POGZ: variants seen among roughly 807,000 people sequenced by gnomAD.
The protein encoded by POGZ is pogo transposable element with ZNF domain.
POGZ carries 17 observed loss-of-function variants against 134.6 expected under a neutral mutation model. That is an observed-to-expected ratio of 0.13 (90% CI 0.09 to 0.19). POGZ has a LOEUF of 0.19. POGZ is among the 10% of genes least tolerant of loss of function. The pLI, the probability that POGZ is intolerant of heterozygous loss-of-function variation, is 1.00. For synonymous variants in POGZ, 693 were observed against 657.1 expected (o/e 1.05, Z -0.84); for missense variants, 1,306 against 1,769.7 (o/e 0.74, Z 4.70).
At chr1:151,418,714 C>A (rs1413146967) in intron 10 of POGZ, among the ~76,000 whole-genome samples, 1 of 151,996 alleles carries the variant, frequency 6.6e-6, no homozygotes, top group Non-Finnish European at 1.5e-5. Context: ...TATTATGCAT[C>A]AATTCTTTTT....
Position 151,459,158 on chromosome 1 carries a change from T to C in POGZ, c.-8A>G, listed in dbSNP as rs1663210356. On this transcript the variant is annotated 5_prime_UTR_variant, in exon 1 of 19. Coordinates refer to ENST00000271715, the MANE Select transcript of POGZ (RefSeq NM_015100.4). ...GGCTCGCTCGCTCACTCACCTCCTG[T>C]GGTCGTCGCCGCCGGTAGTCTGACC... 6.8e-6 allele frequency: 1 copy of C among 147,688 alleles called. No homozygotes were observed. Among genetic ancestry groups the C allele is most frequent in the Non-Finnish European group, 1.5e-5 (1 of 66,676 alleles). The allele number at this position is 147,688 out of a possible 1,614,324, so 9.1% of individuals were successfully genotyped here. A position where few individuals can be genotyped will look rare whatever the true frequency, so the allele number is the denominator to read the frequency against.
At chr1:151,418,499 G>C (rs1656193259) in intron 10 of POGZ, among the ~76,000 whole-genome samples, 3 of 152,154 alleles carry the variant, frequency 2.0e-5, no homozygotes, top group Admixed American at 2.0e-4. Flanking sequence ...TGGTTTGAAA[G>C]AAGAAATAAG....
In POGZ at chr1:151,408,084, T is replaced by G; in HGVS notation, c.2375+16A>C. The G allele has an allele frequency of 6.3e-7, 1 of 1,578,390 alleles. No individual in the cohort carries two copies. Among genetic ancestry groups the G allele is most frequent in the Admixed American group, 1.8e-5 (1 of 54,612 alleles). On this transcript the variant is annotated intron_variant, in intron 15 of 18. Coordinates refer to ENST00000271715, the MANE Select transcript of POGZ (RefSeq NM_015100.4). ...CTGAACTCTCAAGCTAAAACACTGG[T>G]TAAAAACCAACTTACTTGATCATGT...
chr1:151,408,357 A>C, intron 14 of POGZ, 52 bp downstream of exon 14: 1 of 1,557,190 alleles, frequency 6.4e-7, no homozygotes, highest in Non-Finnish European at 8.7e-7. Context: ...TATCAGGAAT[A>C]ATCCTGGCCA....
intron 1 of POGZ, among the ~76,000 whole-genome samples, chr1:151,444,395 T>C (rs969732417): frequency 7.2e-5 from 11 of 152,222 alleles, no homozygotes; most frequent in African/African-American, 2.2e-4. Context: ...AAATATATTT[T>C]CAAAAACTTT....
intron 10 of POGZ, among the ~76,000 whole-genome samples, chr1:151,421,417 T>C (rs981629912): frequency 2.6e-5 from 4 of 151,852 alleles, no homozygotes; most frequent in Non-Finnish European, 5.9e-5. Flanking sequence ...GTGAAAAAAA[T>C]TAAAATTACT....
Position 151,405,448 on chromosome 1 carries a change from T to A in POGZ, c.3587A>T (p.Glu1196Val), listed in dbSNP as rs199974317. 2.4e-5 allele frequency: 39 copies of A among 1,614,196 alleles called. No individual in the cohort carries two copies. In the African/African-American group the frequency reaches 4.1e-4, roughly 17 times the overall value. ...MPDSILLEAK[E>V]SGYSDDEIME... Reference sequence around the variant, plus strand: ...GATCTCGTCATCACTGTAGCCACTCTCCTTTGCCTCTAGCAATATGGAGTC... The same window carrying A: ...GATCTCGTCATCACTGTAGCCACTCACCTTTGCCTCTAGCAATATGGAGTC... Residue 1196 changes from glutamate to valine, a missense_variant, in exon 19 of 19, where the codon GAG (glutamate) becomes GTG (valine). Coordinates refer to ENST00000271715, the MANE Select transcript of POGZ (RefSeq NM_015100.4). The surrounding 1 kb of genome is among the most constrained non-coding windows in gnomAD (Gnocchi z 4.9).
intron 1 of POGZ, among the ~76,000 whole-genome samples, chr1:151,454,534 CTT>C (rs1399996138): frequency 6.6e-6 from 1 of 152,180 alleles, no homozygotes. Context: ...ATACTTTCCT[CTT>C]GTCTGGTAGC....
At chr1:151,431,684 T>C (rs1209590652) in intron 3 of POGZ, among the ~76,000 whole-genome samples, 1 of 152,238 alleles carries the variant, frequency 6.6e-6, no homozygotes, top group East Asian at 1.9e-4. Flanking sequence ...GATTCATTCA[T>C]GAATAAATAT....
chr1:151,407,095 TAAGA>T (rs1653785129), intron 16 of POGZ, 72 bp from the exon 17 acceptor site: 5 of 1,336,570 alleles, frequency 3.7e-6, no homozygotes, highest in East Asian at 2.3e-5. Flanking sequence ...CTTTGAGGCT[TAAGA>T]AAGAAAAGGA....
intron 1 of POGZ, among the ~76,000 whole-genome samples, chr1:151,447,004 A>G (rs564385060): frequency 6.6e-6 from 1 of 152,278 alleles, no homozygotes; most frequent in East Asian, 1.9e-4. Context: ...TCCCTGTATT[A>G]TATTGAAACA....
chr1:151,451,334 T>A (rs1040265045), intron 1 of POGZ, among the ~76,000 whole-genome samples: 18 of 144,326 alleles, frequency 1.2e-4, no homozygotes, highest in Non-Finnish European at 2.5e-4. Flanking sequence ...TATTTTTTTT[T>A]AAATTTTTTG....
At chr1:151,422,513 T>C (rs537227788) in intron 10 of POGZ, among the ~76,000 whole-genome samples, 3 of 152,316 alleles carry the variant, frequency 2.0e-5, no homozygotes, top group South Asian at 2.1e-4. Context: ...ATCTATAAAA[T>C]GTACAGTGTA....
Position 151,442,122 on chromosome 1 carries a change from G to C in POGZ, c.83C>G (p.Ser28Cys), listed in dbSNP as rs1439970488. 1 of 1,606,272 alleles carries C rather than the reference G, an allele frequency of 6.2e-7. No individual in the cohort carries two copies. The change falls in exon 2 of 19, where the codon TCT (serine) becomes TGT (cysteine). Residue 28 changes from serine (S) to cysteine (C), a missense_variant. Physicochemically the swap from Ser to Cys is moderately radical, Grantham distance 112. This residue lies in a region of POGZ where 541 missense variants were observed against 680.5 expected (regional missense o/e 0.80). Coordinates refer to ENST00000271715, the MANE Select transcript of POGZ (RefSeq NM_015100.4). The part of the protein sequence containing the change: ...WQKISDVIED[S>C]VVEDYNSVDK... The stretch of plus-strand genomic sequence containing the variant: ...CACTGAATTATAATCTTCAACTACA[G>C]AGTCCTCAATGACATCACTGATTTT...
intron 8 of POGZ, 149 bp downstream of exon 8, chr1:151,424,806 G>A: frequency 1.7e-6 from 1 of 582,440 alleles, no homozygotes; most frequent in Non-Finnish European, 3.2e-6. Context: ...ACATTCCAAA[G>A]TACACAGCTC....
rs562400968 is a variant in POGZ at position 151,439,641 on chromosome 1, C to A, written c.283+1287G>T. ...ATTTGTAATCACAAAGGATGGGGAC[C>A]CTAATAAATGTTCAACAATGGGGAA... On this transcript the variant is annotated intron_variant, in intron 3 of 18. Transcript: ENST00000271715. Among the ~76,000 whole-genome samples the A allele has an allele frequency of 1.3e-3, 193 of 152,210 alleles. 1 individual carries two copies. Among genetic ancestry groups the A allele is most frequent in the African/African-American group, 4.5e-3 (186 of 41,540 alleles).
chr1:151,402,972 G>A lies in POGZ; in HGVS notation c.*1830C>T, dbSNP rs1652990897. On this transcript the variant is annotated 3_prime_UTR_variant, in exon 19 of 19. Coordinates refer to ENST00000271715, the MANE Select transcript of POGZ (RefSeq NM_015100.4). ...TGCTGCAGAGACTACCAAAGAGTAGGATTAGGTTGTAGATAGACGTGACCA... is the reference window on the plus strand; with the variant it reads ...TGCTGCAGAGACTACCAAAGAGTAGAATTAGGTTGTAGATAGACGTGACCA... The A allele has an allele frequency of 6.5e-6, 1 of 152,950 alleles. No individual in the cohort carries two copies. The highest frequency in any genetic ancestry group is 1.5e-5 in the Non-Finnish European group (1 of 68,350). The allele number at this position is 152,950 out of a possible 1,614,324, so 9.5% of individuals were successfully genotyped here. A position where few individuals can be genotyped will look rare whatever the true frequency, so the allele number is the denominator to read the frequency against.
At chr1:151,436,090 G>A (rs1415176506) in intron 3 of POGZ, among the ~76,000 whole-genome samples, 2 of 151,400 alleles carry the variant, frequency 1.3e-5, no homozygotes, top group Non-Finnish European at 2.9e-5. Context: ...CCGAGTAGCT[G>A]GGATTACAGG....
At chr1:151,449,721 C>G (rs1661776714) in intron 1 of POGZ, among the ~76,000 whole-genome samples, 1 of 152,054 alleles carries the variant, frequency 6.6e-6, no homozygotes, top group Admixed American at 6.6e-5. Context: ...ACGGTGAAAC[C>G]CCGTCTCTAT....
Sources: gnomAD v4.1 joint callset for allele counts (sites outside exome capture counted in the v4.1 genomes callset) on GRCh38, gnomAD v4.1.1 for gene constraint, gnomAD v4.1.1 regional missense constraint, Gnocchi (gnomAD v3.1) non-coding constraint, MANE v1.5 for transcripts, NCBI Gene and HGNC (gene_info 2026-07-23, HGNC 2026-07-21) for gene names.